Variants in ASIC2 observed in about 807,000 individuals in gnomAD.
The protein encoded by ASIC2 is acid-sensing ion channel 2.
Under a neutral mutation model 57.3 loss-of-function variants are expected in ASIC2, and 25 were observed. That is an observed-to-expected ratio of 0.44 (90% CI 0.32 to 0.61). The LOEUF (loss-of-function observed/expected upper bound fraction) is 0.61. ASIC2 is among the 20% of genes least tolerant of loss of function. The pLI, the probability that ASIC2 is intolerant of heterozygous loss-of-function variation, is 0.06. For missense variants in ASIC2, 641 were observed against 738.1 expected, an observed-to-expected ratio of 0.87 and a Z score of 1.52; for synonymous variants, 319 against 307.5, an observed-to-expected ratio of 1.04 and a Z score of -0.39.
At chr17:33,273,711 G>C (rs1204817240) in intron 1 of ASIC2, among the ~76,000 whole-genome samples, 1 of 152,206 alleles carries the variant, frequency 6.6e-6, no homozygotes, top group Non-Finnish European at 1.5e-5. Flanking sequence ...ACATTTTACA[G>C]ATGGGGAAAT....
At chr17:33,392,196 C>CCCTCCTTCCTTCCT in intron 1 of ASIC2, among the ~76,000 whole-genome samples, 1 of 37,832 alleles carries the variant, frequency 2.6e-5, no homozygotes, top group Admixed American at 2.7e-4. Context: ...CCTTCCTTCC[C>CCCTCCTTCCTTCCT]TCCTTCCTTC....
chr17:33,885,276 T>C (rs915007461), intron 1 of ASIC2, among the ~76,000 whole-genome samples: 1 of 152,182 alleles, frequency 6.6e-6, no homozygotes, highest in African/African-American at 2.4e-5. Flanking sequence ...TCTATACTTT[T>C]CTCTGTAAAA....
intron 1 of ASIC2, among the ~76,000 whole-genome samples, chr17:33,483,330 A>C (rs1365302859): frequency 1.3e-5 from 2 of 152,246 alleles, no homozygotes; most frequent in Non-Finnish European, 2.9e-5. Context: ...GGGTCCCCCG[A>C]TACAGCCACA....
At chr17:33,047,258 C>T (rs1050062400) in intron 3 of ASIC2, among the ~76,000 whole-genome samples, 7 of 152,160 alleles carry the variant, frequency 4.6e-5, no homozygotes, top group African/African-American at 1.7e-4. Context: ...TCCCTGTCCT[C>T]ATCCCTAGAA....
intron 1 of ASIC2, among the ~76,000 whole-genome samples, chr17:33,522,363 C>T (rs1183519416): frequency 6.6e-6 from 1 of 152,224 alleles, no homozygotes; most frequent in Non-Finnish European, 1.5e-5. Flanking sequence ...GTCTTCCCTG[C>T]AGGAGTGAGC....
intron 2 of ASIC2, among the ~76,000 whole-genome samples, chr17:33,098,277 A>C (rs1486089071): frequency 6.6e-6 from 1 of 152,222 alleles, no homozygotes; most frequent in Non-Finnish European, 1.5e-5. Flanking sequence ...GATTTCTCTA[A>C]AGACAGCACA....
chr17:33,623,934 G>A (rs1015622927), intron 1 of ASIC2, among the ~76,000 whole-genome samples: 7 of 152,102 alleles, frequency 4.6e-5, no homozygotes, highest in East Asian at 1.9e-4. Flanking sequence ...GGTGTCAGAC[G>A]CAGACCTTCT....
chr17:33,097,956 C>T (rs185176211), intron 2 of ASIC2, among the ~76,000 whole-genome samples: 153 of 152,290 alleles, frequency 1.0e-3, no homozygotes, highest in African/African-American at 3.5e-3. Context: ...AAGGAAAACA[C>T]GGGCTCTGAA....
intron 1 of ASIC2, among the ~76,000 whole-genome samples, chr17:33,608,943 A>T (rs1272028582): frequency 6.6e-6 from 1 of 152,128 alleles, no homozygotes; most frequent in Non-Finnish European, 1.5e-5. Context: ...TACCCTGGCA[A>T]TTCTGCTAAA....
At chr17:34,104,223 AT>A (rs1910964427) in intron 1 of ASIC2, among the ~76,000 whole-genome samples, 1 of 152,092 alleles carries the variant, frequency 6.6e-6, no homozygotes, top group African/African-American at 2.4e-5. Context: ...TGTGAATAAA[AT>A]TTTAATTTTA....
intron 1 of ASIC2, among the ~76,000 whole-genome samples, chr17:33,280,148 G>A (rs1032433260): frequency 2.0e-5 from 3 of 152,140 alleles, no homozygotes; most frequent in Non-Finnish European, 4.4e-5. Context: ...ACCTAAGAGC[G>A]TAGGAGACAT....
rs184069887 is a variant in ASIC2 at position 33,407,505 on chromosome 17, C to T, written c.556-295438G>A. Among the ~76,000 whole-genome samples the T allele has an allele frequency of 3.3e-5, 5 of 152,334 alleles. No individual in the cohort carries two copies. The East Asian group carries it at 9.6e-4, about 29-fold the overall frequency. Reference sequence around the variant, plus strand: ...CATCCCCAGAACCATCCTCCTGATACTCCCATAATGCATCACTCAGGGCAA... The same window carrying T: ...CATCCCCAGAACCATCCTCCTGATATTCCCATAATGCATCACTCAGGGCAA... On this transcript the variant is annotated intron_variant, in intron 1 of 9. Transcript: ENST00000359872.
At chr17:33,090,317 G>A (rs912218014) in intron 2 of ASIC2, among the ~76,000 whole-genome samples, 3 of 152,192 alleles carry the variant, frequency 2.0e-5, no homozygotes, top group Non-Finnish European at 2.9e-5. Context: ...ACATCGTGAT[G>A]AGGCTTTAAC....
intron 1 of ASIC2, among the ~76,000 whole-genome samples, chr17:33,962,265 G>T (rs1163256899): frequency 6.6e-6 from 1 of 152,212 alleles, no homozygotes; most frequent in African/African-American, 2.4e-5. Flanking sequence ...TTTGGAACAT[G>T]GAGGAGGAGC....
rs34413100 is a variant in ASIC2 at position 33,963,074 on chromosome 17, T to C, written c.555+192904A>G. ...AACATATGTAAGAGGAGCTCAGTTT[T>C]AAGGATAAGAACATTGAGATCTAGA... is the stretch of plus-strand genomic sequence containing the variant. On this transcript the variant is annotated intron_variant, in intron 1 of 9. Coordinates refer to the ASIC2 transcript ENST00000359872. Among the ~76,000 whole-genome samples, 1,134 of 152,282 alleles carry C rather than the reference T, an allele frequency of 7.4e-3. 19 individuals are homozygous for C. Among genetic ancestry groups the C allele is most frequent in the African/African-American group, 0.026 (1,082 of 41,552 alleles).
At chr17:33,936,766 G>C (rs1260361474) in intron 1 of ASIC2, 1 of 152,240 alleles carries the variant, frequency 6.6e-6, no homozygotes, top group African/African-American at 2.4e-5. Flanking sequence ...TCCACTGTAT[G>C]ATGAGGGAGT....
At chr17:33,964,350 A>T (rs1168054130) in intron 1 of ASIC2, among the ~76,000 whole-genome samples, 1 of 152,232 alleles carries the variant, frequency 6.6e-6, no homozygotes, top group Non-Finnish European at 1.5e-5. Flanking sequence ...AAGTTTAGAT[A>T]GTTGGTGAAT....
intron 1 of ASIC2, among the ~76,000 whole-genome samples, chr17:33,807,758 A>G (rs571453707): frequency 2.0e-5 from 3 of 152,238 alleles, no homozygotes; most frequent in Admixed American, 1.3e-4. Context: ...AACTCCTTCC[A>G]TGGGTGGAAT....
intron 1 of ASIC2, among the ~76,000 whole-genome samples, chr17:33,855,169 A>T (rs1454198624): frequency 6.6e-6 from 1 of 152,112 alleles, no homozygotes; most frequent in Admixed American, 6.6e-5. Flanking sequence ...AGATGATGGG[A>T]AGCTGTGAGC....
Sources: allele counts gnomAD v4.1 joint callset (sites outside exome capture counted in the v4.1 genomes callset), GRCh38; gene constraint gnomAD v4.1.1; transcripts MANE v1.5; gene names NCBI Gene and HGNC (gene_info 2026-07-23, HGNC 2026-07-21).